The following GRIP1 variants were observed in gnomAD, a reference collection of about 807,000 sequenced individuals.
GRIP1 encodes the protein glutamate receptor-interacting protein 1.
A neutral mutation model predicts 129.9 loss-of-function variants in GRIP1; 45 were observed. That is an observed-to-expected ratio of 0.35 (90% CI 0.27 to 0.44). GRIP1 has a LOEUF of 0.44. Among genes scored for constraint, GRIP1 ranks in the 20% least tolerant of loss-of-function variants. GRIP1 has a pLI of 1.00. For synonymous variants in GRIP1, 530 were observed against 520.8 expected (o/e 1.02, Z -0.24); for missense variants, 1,196 against 1,396.8 (o/e 0.86, Z 2.29).
intron 14 of GRIP1, among the ~76,000 whole-genome samples, chr12:66,424,859 ATCTG>A (rs2057929187): frequency 6.6e-6 from 1 of 152,124 alleles, no homozygotes; most frequent in African/African-American, 2.4e-5. Context: ...GAGTTTGCTA[ATCTG>A]TCTGGACTGG....
chr12:66,656,683 G>C (rs184267010), intron 1 of GRIP1, among the ~76,000 whole-genome samples: 112 of 152,254 alleles, frequency 7.4e-4, no homozygotes, highest in African/African-American at 2.5e-3. Context: ...AAAAGTAAAG[G>C]CTGTATCCTT....
At chr12:66,489,943 A>G (rs2060060393) in intron 7 of GRIP1, among the ~76,000 whole-genome samples, 1 of 152,222 alleles carries the variant, frequency 6.6e-6, no homozygotes, top group Non-Finnish European at 1.5e-5. Flanking sequence ...GATCTCTTTA[A>G]GGAGCATTAC....
chr12:67,044,567 A>C (rs1472946955), intron 1 of GRIP1, among the ~76,000 whole-genome samples: 1 of 152,218 alleles, frequency 6.6e-6, no homozygotes, highest in Non-Finnish European at 1.5e-5. Flanking sequence ...CTGTTGTCAT[A>C]ATCATAATTA....
chr12:66,431,725 G>T (rs973423440), intron 14 of GRIP1, among the ~76,000 whole-genome samples: 2 of 151,990 alleles, frequency 1.3e-5, no homozygotes, highest in Non-Finnish European at 2.9e-5. Context: ...TCATTTTCTT[G>T]GGACATTTAT....
At chr12:66,641,605 T>TGCAA (rs1227666412) in intron 1 of GRIP1, among the ~76,000 whole-genome samples, 1 of 152,166 alleles carries the variant, frequency 6.6e-6, no homozygotes, top group Non-Finnish European at 1.5e-5. Flanking sequence ...ATGAATTTAG[T>TGCAA]GCAAGCACAG....
chr12:66,706,669 C>T (rs1165971203), intron 1 of GRIP1, among the ~76,000 whole-genome samples: 1 of 151,990 alleles, frequency 6.6e-6, no homozygotes, highest in Non-Finnish European at 1.5e-5. Context: ...ATATACACCA[C>T]GCAATACTAT....
chr12:66,401,575 G>A (rs1245931822), intron 16 of GRIP1, among the ~76,000 whole-genome samples: 17 of 79,158 alleles, frequency 2.1e-4, no homozygotes, highest in Admixed American at 3.3e-4. Flanking sequence ...GCAAAATTCC[G>A]TCTCAAAAAA....
intron 1 of GRIP1, among the ~76,000 whole-genome samples, chr12:66,744,032 T>TA (rs2036870299): frequency 6.6e-6 from 1 of 152,206 alleles, no homozygotes; most frequent in Admixed American, 6.5e-5. Flanking sequence ...TCCTGTGTCT[T>TA]AATTAAAATA....
At chr12:66,946,706 C>G (rs2041672778) in intron 1 of GRIP1, among the ~76,000 whole-genome samples, 1 of 145,008 alleles carries the variant, frequency 6.9e-6, no homozygotes, top group Admixed American at 7.2e-5. Context: ...AAAACCAATG[C>G]TTGGGCTGGC....
chr12:66,575,853 A>G (rs2063122373), intron 2 of GRIP1, among the ~76,000 whole-genome samples: 1 of 152,198 alleles, frequency 6.6e-6, no homozygotes, highest in Non-Finnish European at 1.5e-5. Flanking sequence ...TTAAAGTAGA[A>G]AGGATTGACT....
chr12:66,941,492 T>C (rs558743147), intron 1 of GRIP1, among the ~76,000 whole-genome samples: 3 of 152,322 alleles, frequency 2.0e-5, no homozygotes, highest in African/African-American at 7.2e-5. Context: ...CTCCAGTTAA[T>C]GTTGTGCTTT....
intron 7 of GRIP1, among the ~76,000 whole-genome samples, chr12:66,476,078 G>T (rs925861816): frequency 2.0e-5 from 3 of 152,104 alleles, no homozygotes; most frequent in Admixed American, 2.0e-4. Flanking sequence ...ATGAATCCAG[G>T]ATCTGGTTTT....
intron 1 of GRIP1, among the ~76,000 whole-genome samples, chr12:66,637,584 A>T (rs113025296): frequency 0.16 from 23,542 of 150,720 alleles, 1,857 homozygotes; most frequent in Middle Eastern, 0.19. Flanking sequence ...GTTTTTTTTT[A>T]AATTTACAGA....
chr12:66,639,162 CCT>C (rs2031693525), intron 1 of GRIP1, among the ~76,000 whole-genome samples: 1 of 151,884 alleles, frequency 6.6e-6, no homozygotes, highest in African/African-American at 2.4e-5. Flanking sequence ...GTTAGGTATT[CCT>C]ATTACTATTA....
intron 1 of GRIP1, among the ~76,000 whole-genome samples, chr12:66,728,870 T>A (rs989911556): frequency 2.0e-5 from 3 of 152,090 alleles, no homozygotes; most frequent in Admixed American, 2.0e-4. Context: ...GCAGCATACA[T>A]AAAACTAAGG....
chr12:66,349,270 T>C, intron 24 of GRIP1, 24 bp from the exon 25 acceptor site: 1 of 1,554,142 alleles, frequency 6.4e-7, no homozygotes, highest in Admixed American at 1.7e-5. Context: ...AACAGCCATT[T>C]TGAATTATCG....
At chr12:66,749,901 T>C (rs1311399613) in intron 1 of GRIP1, among the ~76,000 whole-genome samples, 2 of 152,166 alleles carry the variant, frequency 1.3e-5, no homozygotes, top group African/African-American at 4.8e-5. Context: ...GAGAAATAAA[T>C]TTCTCTTAAT....
chr12:66,659,603 C>A (rs1033988303), intron 1 of GRIP1, among the ~76,000 whole-genome samples: 9 of 152,200 alleles, frequency 5.9e-5, no homozygotes, highest in Non-Finnish European at 1.2e-4. Context: ...ATGTACCAGT[C>A]TCTGTATTGA....
At chr12:66,967,100 C>T (rs1264265188) in intron 1 of GRIP1, among the ~76,000 whole-genome samples, 4 of 152,102 alleles carry the variant, frequency 2.6e-5, no homozygotes, top group Non-Finnish European at 5.9e-5. Flanking sequence ...CTAATGTAAG[C>T]ATTTAGTGGT....
Sources: allele counts gnomAD v4.1 joint callset (sites outside exome capture counted in the v4.1 genomes callset), GRCh38; gene constraint gnomAD v4.1.1; transcripts MANE v1.5; gene names NCBI Gene and HGNC (gene_info 2026-07-23, HGNC 2026-07-21).